Variants in AEN observed in about 807,000 individuals in gnomAD.
AEN encodes apoptosis enhancing nuclease.
AEN carries 21 observed loss-of-function variants against 17.7 expected under a neutral mutation model. The ratio of observed to expected loss-of-function variants is 1.19; its 90% CI spans 0.84 to 1.71. The LOEUF (loss-of-function observed/expected upper bound fraction) is 1.71, where lower values mean the gene tolerates loss of function less well. Among genes scored for constraint, AEN ranks in the 40% most tolerant of loss-of-function variants. The probability of loss-of-function intolerance (pLI) is 0.00; values close to 1 mark genes in which losing one functional copy is unlikely to be tolerated. For missense variants in AEN, 462 were observed against 435.9 expected (o/e 1.06, Z -0.53); for synonymous variants, 190 against 173.0 (o/e 1.10, Z -0.77).
the AEN span, among the ~76,000 whole-genome samples, chr15:88,612,592 T>C: frequency 6.8e-6 from 1 of 146,530 alleles, no homozygotes; most frequent in Non-Finnish European, 1.5e-5. Flanking sequence ...TATTTATTTA[T>C]TTATTTATTT....
chr15:88,614,479 C>T, the AEN span, among the ~76,000 whole-genome samples: 1 of 152,260 alleles, frequency 6.6e-6, no homozygotes, highest in South Asian at 2.1e-4. Flanking sequence ...GAAATTACAG[C>T]GTAAGTCACA....
At chr15:88,628,970 C>G in intron 2 of AEN, 1 of 475,282 alleles carries the variant, frequency 2.1e-6, no homozygotes, top group Non-Finnish European at 3.8e-6. Context: ...TAGAGCCACC[C>G]CACGGAATGC....
chr15:88,630,806 G>T lies in AEN; in HGVS notation c.*512G>T. 4.2e-6 allele frequency: 1 copy of T among 237,762 alleles called. No homozygotes were observed. The highest frequency in any genetic ancestry group is 8.7e-6 in the Non-Finnish European group (1 of 114,520). The allele number at this position is 237,762 out of a possible 1,614,324, so 14.7% of individuals were successfully genotyped here. On this transcript the variant is annotated 3_prime_UTR_variant, in exon 4 of 4. Coordinates refer to ENST00000332810, the MANE Select transcript of AEN (RefSeq NM_022767.4). This position sits in a 1 kb window ranked among gnomAD's most constrained non-coding sequence, Gnocchi z 5.1. Reference sequence around the variant, plus strand: ...CTCTTCCTCCACTCATTTGGGTTCAGAATAAACATGTCCTGAAGTTAAAGA... The same window carrying T: ...CTCTTCCTCCACTCATTTGGGTTCATAATAAACATGTCCTGAAGTTAAAGA...
chr15:88,615,013 G>C, the AEN span, among the ~76,000 whole-genome samples: 35 of 152,212 alleles, frequency 2.3e-4, no homozygotes, highest in Non-Finnish European at 4.1e-4. Context: ...ACAGGCGCCC[G>C]CCACCACGCC....
chr15:88,605,738 G>A, the AEN span, among the ~76,000 whole-genome samples: 1 of 152,170 alleles, frequency 6.6e-6, no homozygotes, highest in African/African-American at 2.4e-5. This position sits in a 1 kb window ranked among gnomAD's most constrained non-coding sequence, Gnocchi z 7.6. Flanking sequence ...GTCGCTACCC[G>A]CTTGGAGTCG....
chr15:88,611,748 C>T, the AEN span: 5 of 361,138 alleles, frequency 1.4e-5, no homozygotes, highest in Admixed American at 4.2e-5. Context: ...GACAACGCCT[C>T]GCCTGAAGGA....
At chr15:88,605,922 C>T in the AEN span, among the ~76,000 whole-genome samples, 1 of 152,258 alleles carries the variant, frequency 6.6e-6, no homozygotes, top group African/African-American at 2.4e-5. The surrounding 1 kb of genome is among the most constrained non-coding windows in gnomAD (Gnocchi z 7.6). Context: ...CCTCAGACCC[C>T]ACGCGGAGGA....
At chr15:88,608,351 C>T in the AEN span, among the ~76,000 whole-genome samples, 3 of 152,156 alleles carry the variant, frequency 2.0e-5, no homozygotes, top group Non-Finnish European at 4.4e-5. Flanking sequence ...CCTACCTATT[C>T]GCAGCTTACT....
At chr15:88,609,223 C>G in the AEN span, among the ~76,000 whole-genome samples, 1 of 152,144 alleles carries the variant, frequency 6.6e-6, no homozygotes, top group African/African-American at 2.4e-5. Flanking sequence ...AGACTATTAG[C>G]CCTTCAATAT....
chr15:88,625,174 A>C (rs1472857765), intron 1 of AEN, among the ~76,000 whole-genome samples: 1 of 152,202 alleles, frequency 6.6e-6, no homozygotes, highest in African/African-American at 2.4e-5. Context: ...CAGGACTTTT[A>C]AATGTTTCTA....
Position 88,626,262 on chromosome 15 carries a change from C to G in AEN, c.53C>G (p.Thr18Ser), listed in dbSNP as rs1596029365. The G allele has an allele frequency of 6.2e-7, 1 of 1,613,002 alleles. No individual in the cohort carries two copies. The highest frequency in any genetic ancestry group is 8.5e-7 in the Non-Finnish European group (1 of 1,179,618). The change falls in exon 2 of 4, where the codon ACC (threonine) becomes AGC (serine). Residue 18 changes from threonine (T) to serine (S), a missense_variant. By Grantham distance (58) the Thr-to-Ser change is moderately conservative (BLOSUM62 1). Transcript: ENST00000332810. ...ESAQCLCPSL[T>S]IPNAKDVLRK... ...GCTCAGTGCCTGTGCCCTTCCCTCA[C>G]CATCCCAAATGCCAAGGATGTGCTT...
chr15:88,630,048 T>C lies in AEN; in HGVS notation c.742-10T>C. 1 of 1,613,736 alleles carries C rather than the reference T, an allele frequency of 6.2e-7. No individual in the cohort carries two copies. Among genetic ancestry groups the C allele is most frequent in the South Asian group, 1.1e-5 (1 of 91,074 alleles). ...CCTGCAGGCAGTGATGTGTTGGCTC[T>C]CGTCAGTAGGTGGGCCAGCACGGGC... On this transcript the variant is annotated splice_polypyrimidine_tract_variant and intron_variant, in intron 3 of 3. Transcript: ENST00000332810. The surrounding 1 kb of genome is among the most constrained non-coding windows in gnomAD (Gnocchi z 5.1).
the AEN span, among the ~76,000 whole-genome samples, chr15:88,614,868 T>G: frequency 1.9e-3 from 290 of 151,532 alleles, 5 homozygotes; most frequent in South Asian, 0.034. Flanking sequence ...GTGGTGCTTT[T>G]TTGTTGTTGT....
At chr15:88,608,330 GAC>G in the AEN span, 1 of 281,686 alleles carries the variant, frequency 3.6e-6, no homozygotes, top group East Asian at 8.5e-5. Context: ...TTGCAAGGAT[GAC>G]ATTTTTTACC....
At chr15:88,617,285 G>C (rs1266146521), upstream of AEN, among the ~76,000 whole-genome samples, 1 of 151,808 alleles carries the variant, frequency 6.6e-6, no homozygotes, top group African/African-American at 2.4e-5. Context: ...ACAGAGTCTT[G>C]CACTGTTGCC....
chr15:88,605,310 C>T, the AEN span, among the ~76,000 whole-genome samples: 1 of 152,162 alleles, frequency 6.6e-6, no homozygotes, highest in Non-Finnish European at 1.5e-5. This position sits in a 1 kb window ranked among gnomAD's most constrained non-coding sequence, Gnocchi z 7.6. Context: ...TCGCGGGAGC[C>T]GGCTCTCGCA....
intron 1 of AEN, among the ~76,000 whole-genome samples, chr15:88,625,829 G>T (rs912165995): frequency 6.6e-6 from 1 of 152,182 alleles, no homozygotes; most frequent in Non-Finnish European, 1.5e-5. Context: ...CCAGCCTTTG[G>T]CTTTTACTAA....
At chr15:88,629,523 C>G (rs2057900678) in intron 3 of AEN, 97 bp downstream of exon 3, 1 of 1,410,426 alleles carries the variant, frequency 7.1e-7, no homozygotes, top group Non-Finnish European at 9.7e-7. Flanking sequence ...CTCCAGCCTC[C>G]TTGTCATTCT....
At chr15:88,629,784 C>G (rs904112430) in intron 3 of AEN, among the ~76,000 whole-genome samples, 1 of 152,190 alleles carries the variant, frequency 6.6e-6, no homozygotes, top group Non-Finnish European at 1.5e-5. Flanking sequence ...GTACCTCTTG[C>G]TCCTGTTGGG....
Sources: allele counts gnomAD v4.1 joint callset (sites outside exome capture counted in the v4.1 genomes callset), GRCh38; gene constraint gnomAD v4.1.1; non-coding constraint Gnocchi (gnomAD v3.1); transcripts MANE v1.5; gene names NCBI Gene and HGNC (gene_info 2026-07-23, HGNC 2026-07-21).